KCNIP4: variants seen among roughly 807,000 people sequenced by gnomAD.
KCNIP4 encodes Kv channel-interacting protein 4.
Under a neutral mutation model 34.0 loss-of-function variants are expected in KCNIP4, and 12 were observed. That is an observed-to-expected ratio of 0.35 (90% CI 0.23 to 0.57). KCNIP4 has a LOEUF of 0.57. Ranked by LOEUF, KCNIP4 falls within the 20% of genes least tolerant of loss-of-function variation. The pLI, the probability that KCNIP4 is intolerant of heterozygous loss-of-function variation, is 0.83. For synonymous variants in KCNIP4, 124 were observed against 102.2 expected, an observed-to-expected ratio of 1.21 and a Z score of -1.29; for missense variants, 238 against 311.7, an observed-to-expected ratio of 0.76 and a Z score of 1.78.
rs142877347 is a variant in KCNIP4 at position 21,186,740 on chromosome 4, G to C, written c.62-304031C>G. Among the ~76,000 whole-genome samples the C allele has an allele frequency of 2.6e-5, 4 of 152,238 alleles. No individual in the cohort carries two copies. The East Asian group carries it at 7.7e-4, about 29-fold the overall frequency. On this transcript the variant is annotated intron_variant, in intron 1 of 8. Transcript: ENST00000382152. ...TCTCACAGCGGCCTTCACCTGCCACGCTCAAGCAATCCTCTCACCTCAGTC... is the reference window on the plus strand; with the variant it reads ...TCTCACAGCGGCCTTCACCTGCCACCCTCAAGCAATCCTCTCACCTCAGTC...
intron 1 of KCNIP4, among the ~76,000 whole-genome samples, chr4:21,235,911 G>C (rs1759322418): frequency 6.6e-6 from 1 of 152,152 alleles, no homozygotes; most frequent in Admixed American, 6.5e-5. Flanking sequence ...GAGATCATTA[G>C]AGATTCAAGG....
Position 21,743,635 on chromosome 4 carries a change from C to T in KCNIP4, c.61+204936G>A, listed in dbSNP as rs981329185. On this transcript the variant is annotated intron_variant, in intron 1 of 8. Transcript: ENST00000382152. ...ATAAACACATTCCTTGACACAATTC[C>T]TTTTTTTTGTAGGGGGAGGGGGGAG... Among the ~76,000 whole-genome samples, 39 of 150,282 alleles carry T rather than the reference C, an allele frequency of 2.6e-4. 1 individual carries two copies. Among genetic ancestry groups the T allele is most frequent in the South Asian group, 6.4e-4 (3 of 4,682 alleles).
At chr4:21,918,839 G>A (rs753666958) in intron 1 of KCNIP4, among the ~76,000 whole-genome samples, 7 of 152,092 alleles carry the variant, frequency 4.6e-5, no homozygotes, top group African/African-American at 1.2e-4. Flanking sequence ...TGAGGAAAAC[G>A]TTTTGCCAAG....
intron 1 of KCNIP4, among the ~76,000 whole-genome samples, chr4:21,470,427 T>A (rs1436402177): frequency 8.4e-6 from 1 of 118,716 alleles, no homozygotes; most frequent in African/African-American, 2.8e-5. Context: ...TTTAACTTGT[T>A]CACAATAATC....
chr4:21,457,008 T>C (rs1729007398), intron 1 of KCNIP4, among the ~76,000 whole-genome samples: 1 of 152,056 alleles, frequency 6.6e-6, no homozygotes, highest in African/African-American at 2.4e-5. Context: ...ATTCTGAATC[T>C]GAAAATCTTT....
chr4:20,785,335 T>C (rs1711828750), intron 3 of KCNIP4, among the ~76,000 whole-genome samples: 2 of 151,524 alleles, frequency 1.3e-5, no homozygotes, highest in South Asian at 2.1e-4. Context: ...TTTCTTTTTT[T>C]TTTTTTTTGC....
rs575001493 is a variant in KCNIP4 at position 21,217,977 on chromosome 4, C to T, written c.62-335268G>A. ...TCCAAAGTAGCTTTTGGTCACCATCCCCCTGTATAGTTTTTTTTTTTAAAT... is the reference window on the plus strand; with the variant it reads ...TCCAAAGTAGCTTTTGGTCACCATCTCCCTGTATAGTTTTTTTTTTTAAAT... On this transcript the variant is annotated intron_variant, in intron 1 of 8. Coordinates refer to ENST00000382152, the MANE Select transcript of KCNIP4 (RefSeq NM_025221.6). Among the ~76,000 whole-genome samples, 45 of 136,852 alleles carry T rather than the reference C, an allele frequency of 3.3e-4. 1 individual carries two copies. The East Asian group carries it at 7.5e-3, about 23-fold the overall frequency. The allele number at this position is 136,852 out of a possible 152,430, so 89.8% of individuals were successfully genotyped here.
At chr4:20,985,112 C>T (rs1027140619) in intron 1 of KCNIP4, among the ~76,000 whole-genome samples, 2 of 152,178 alleles carry the variant, frequency 1.3e-5, no homozygotes, top group African/African-American at 4.8e-5. Context: ...AACAGGGACT[C>T]TGTAGGTGAA....
At chr4:20,946,681 T>C (rs2149630220) in intron 1 of KCNIP4, among the ~76,000 whole-genome samples, 1 of 152,328 alleles carries the variant, frequency 6.6e-6, no homozygotes, top group African/African-American at 2.4e-5. Flanking sequence ...CAGGTTTTTA[T>C]CAAATTCTTA....
chr4:21,131,562 A>G (rs1179494484), intron 1 of KCNIP4, among the ~76,000 whole-genome samples: 1 of 152,170 alleles, frequency 6.6e-6, no homozygotes, highest in African/African-American at 2.4e-5. Flanking sequence ...GTGAGCCGAG[A>G]TTGCACCACT....
chr4:21,856,373 A>C (rs1425455969), intron 1 of KCNIP4, among the ~76,000 whole-genome samples: 1 of 152,034 alleles, frequency 6.6e-6, no homozygotes, highest in Non-Finnish European at 1.5e-5. Flanking sequence ...CTCTCTTTAC[A>C]GAAATTTTAG....
intron 1 of KCNIP4, among the ~76,000 whole-genome samples, chr4:20,952,239 T>G (rs2149642357): frequency 6.6e-6 from 1 of 152,182 alleles, no homozygotes; most frequent in African/African-American, 2.4e-5. Context: ...TTTTTTTTTC[T>G]CAAAATGATG....
intron 1 of KCNIP4, among the ~76,000 whole-genome samples, chr4:21,909,779 C>CA (rs1383616107): frequency 6.6e-6 from 1 of 151,930 alleles, no homozygotes; most frequent in East Asian, 1.9e-4. Context: ...TGGTGGAAGG[C>CA]AAAAGTCACA....
intron 1 of KCNIP4, among the ~76,000 whole-genome samples, chr4:21,096,219 C>T (rs1186309028): frequency 1.3e-5 from 2 of 152,126 alleles, no homozygotes; most frequent in Non-Finnish European, 2.9e-5. Flanking sequence ...ACTTGATTCA[C>T]TGCCAAGCTC....
chr4:21,528,712 A>G (rs951954620), intron 1 of KCNIP4, among the ~76,000 whole-genome samples: 9 of 1,090 alleles, frequency 8.3e-3, no homozygotes, highest in African/African-American at 0.036. Flanking sequence ...AGAAAGAAAG[A>G]AAGAAAGAAA....
intron 1 of KCNIP4, among the ~76,000 whole-genome samples, chr4:21,471,189 C>A (rs1320849139): frequency 3.3e-5 from 5 of 152,128 alleles, no homozygotes; most frequent in African/African-American, 1.2e-4. Flanking sequence ...CTTTTACTAT[C>A]AAGGCAAGTT....
intron 1 of KCNIP4, among the ~76,000 whole-genome samples, chr4:21,688,344 GCAAATATTCCA>G (rs1404966310): frequency 6.6e-6 from 1 of 152,074 alleles, no homozygotes; most frequent in Admixed American, 6.6e-5. Flanking sequence ...TATATATTCT[GCAAATATTCCA>G]CAATCCAGAA....
intron 1 of KCNIP4, among the ~76,000 whole-genome samples, chr4:21,308,674 T>C (rs1326046068): frequency 6.6e-6 from 1 of 151,898 alleles, no homozygotes; most frequent in Non-Finnish European, 1.5e-5. Flanking sequence ...TCTGCATTAA[T>C]GTTAGATACA....
At chr4:21,618,396 A>G (rs1207279933) in intron 1 of KCNIP4, among the ~76,000 whole-genome samples, 1 of 152,164 alleles carries the variant, frequency 6.6e-6, no homozygotes, top group Non-Finnish European at 1.5e-5. Flanking sequence ...TGAAGGTGGT[A>G]GCCAAAATAA....
Sources: gnomAD v4.1 joint callset for allele counts (sites outside exome capture counted in the v4.1 genomes callset) on GRCh38, gnomAD v4.1.1 for gene constraint, MANE v1.5 for transcripts, NCBI Gene and HGNC (gene_info 2026-07-23, HGNC 2026-07-21) for gene names.